The following MTA3 variants were observed in gnomAD, a reference collection of about 807,000 sequenced individuals.
MTA3 encodes the protein metastasis-associated protein MTA3.
Under a neutral mutation model 83.5 loss-of-function variants are expected in MTA3, and 34 were observed. That is an observed-to-expected ratio of 0.41 (90% CI 0.31 to 0.54). The LOEUF (loss-of-function observed/expected upper bound fraction) is 0.54, where lower values mean the gene tolerates loss of function less well. Ranked by LOEUF, MTA3 falls within the 20% of genes least tolerant of loss-of-function variation. The pLI is 0.33. For missense variants in MTA3, 761 were observed against 726.4 expected (o/e 1.05, Z -0.55); for synonymous variants, 303 against 252.7 (o/e 1.20, Z -1.89).
intron 16 of MTA3, among the ~76,000 whole-genome samples, chr2:42,723,580 C>G (rs923190669): frequency 1.3e-5 from 2 of 152,220 alleles, no homozygotes; most frequent in Admixed American, 1.3e-4. Context: ...AATATCACCT[C>G]TTATCCAAAG....
intron 2 of MTA3, among the ~76,000 whole-genome samples, chr2:42,515,028 G>GTTTAT (rs1277578639): frequency 1.6e-3 from 237 of 151,594 alleles, no homozygotes; most frequent in African/African-American, 4.8e-3. Context: ...GTATGCCTGT[G>GTTTAT]TTTATTTTAT....
intron 4 of MTA3, among the ~76,000 whole-genome samples, chr2:42,632,146 G>C (rs1423478842): frequency 7.2e-6 from 1 of 139,600 alleles, no homozygotes; most frequent in Non-Finnish European, 1.5e-5. Context: ...CTGGAGTGCA[G>C]TGGTATAGTC....
intron 16 of MTA3, among the ~76,000 whole-genome samples, chr2:42,739,838 T>G (rs975549945): frequency 6.6e-6 from 1 of 152,242 alleles, no homozygotes; most frequent in African/African-American, 2.4e-5. Flanking sequence ...GAAACAACTT[T>G]CATTGTTCAT....
intron 2 of MTA3, among the ~76,000 whole-genome samples, chr2:42,539,904 T>C (rs17029781): frequency 0.052 from 7,870 of 152,208 alleles, 527 homozygotes; most frequent in Admixed American, 0.21. Flanking sequence ...AGCTACACTC[T>C]AAATTCCTTA....
At chr2:42,495,841 C>G (rs1422711655) in intron 2 of MTA3, among the ~76,000 whole-genome samples, 1 of 152,118 alleles carries the variant, frequency 6.6e-6, no homozygotes, top group Admixed American at 6.6e-5. Flanking sequence ...ATCCCCAACC[C>G]CGTGTCTGTG....
At chr2:42,614,925 C>T (rs13020724) in intron 4 of MTA3, among the ~76,000 whole-genome samples, 1 of 149,998 alleles carries the variant, frequency 6.7e-6, no homozygotes, top group Admixed American at 6.7e-5. Context: ...TATAGTGAGC[C>T]ATGATTGTGA....
chr2:42,602,225 CCTCGGCCTCCTGA>C (rs1682667801), intron 3 of MTA3, among the ~76,000 whole-genome samples: 1 of 152,144 alleles, frequency 6.6e-6, no homozygotes, highest in Admixed American at 6.6e-5. Flanking sequence ...TGTCCACCTG[CCTCGGCCTCCTGA>C]AGTGCTGGGA....
chr2:42,748,241 GTT>G (rs34577558), intron 16 of MTA3, among the ~76,000 whole-genome samples: 131 of 149,644 alleles, frequency 8.8e-4, no homozygotes, highest in Middle Eastern at 3.4e-3. Flanking sequence ...GTGTGTGTGT[GTT>G]TTAGTAGAGA....
At chr2:42,562,589 C>G (rs1677717363) in intron 2 of MTA3, among the ~76,000 whole-genome samples, 1 of 152,188 alleles carries the variant, frequency 6.6e-6, no homozygotes, top group Non-Finnish European at 1.5e-5. Context: ...TTATGTGGCT[C>G]TGCCCACACT....
intron 2 of MTA3, among the ~76,000 whole-genome samples, chr2:42,497,784 A>G (rs1005271094): frequency 3.9e-5 from 6 of 152,178 alleles, no homozygotes; most frequent in Non-Finnish European, 7.3e-5. Context: ...TGAAGGTGGT[A>G]TATAGCTCAG....
At chr2:42,598,222 C>T (rs766313504) in intron 3 of MTA3, among the ~76,000 whole-genome samples, 13 of 152,012 alleles carry the variant, frequency 8.6e-5, no homozygotes, top group Non-Finnish European at 1.3e-4. Context: ...ATTGCCACCA[C>T]ACCCAGCTAA....
rs564637775 is a variant in MTA3 at position 42,558,937 on chromosome 2, G to T, written c.-140-11500G>T. 3.9e-5 allele frequency among the ~76,000 whole-genome samples: 6 copies of T among 151,980 alleles called. No individual in the cohort carries two copies. The East Asian group carries it at 1.2e-3, about 29-fold the overall frequency. On this transcript the variant is annotated intron_variant, in intron 2 of 17. Transcript: ENST00000405592. ...TGGGGTGGAGCTCAGCCTTGTCTCA[G>T]TAGTTCCCCTGGAGCAGCTAGAGTA...
intron 12 of MTA3, 38 bp from the exon 13 acceptor site, chr2:42,707,865 A>G (rs1282241421): frequency 6.8e-7 from 1 of 1,481,474 alleles, no homozygotes; most frequent in East Asian, 2.4e-5. Context: ...CAAATTAAAT[A>G]GCATTTTTCG....
chr2:42,593,866 A>T (rs776463121), intron 3 of MTA3, among the ~76,000 whole-genome samples: 3 of 152,088 alleles, frequency 2.0e-5, no homozygotes, highest in East Asian at 1.9e-4. Flanking sequence ...TTACCAAATT[A>T]ATTGCTTCAG....
intron 16 of MTA3, among the ~76,000 whole-genome samples, chr2:42,736,680 T>G (rs1342805022): frequency 2.0e-5 from 3 of 152,070 alleles, no homozygotes; most frequent in Non-Finnish European, 2.9e-5. Context: ...TCTCCTTTCC[T>G]CAAGCAGAAA....
intron 14 of MTA3, among the ~76,000 whole-genome samples, chr2:42,713,287 A>G (rs189671025): frequency 6.6e-6 from 1 of 152,342 alleles, no homozygotes; most frequent in East Asian, 1.9e-4. Context: ...CTTTGGAAGT[A>G]TCTCAAGACC....
intron 2 of MTA3, among the ~76,000 whole-genome samples, chr2:42,577,693 C>G (rs1001210043): frequency 8.5e-5 from 13 of 152,076 alleles, no homozygotes; most frequent in African/African-American, 2.9e-4. Context: ...GTTGGCCAGG[C>G]TGGTCTAGAA....
At chr2:42,612,346 C>G (rs1478887241) in intron 4 of MTA3, among the ~76,000 whole-genome samples, 1 of 152,062 alleles carries the variant, frequency 6.6e-6, no homozygotes, top group Non-Finnish European at 1.5e-5. Flanking sequence ...TCCCGAGTAG[C>G]TGGGACTACA....
rs1365567619 is a variant in MTA3, at chr2:42,682,590, G to A, written c.891+1G>A. 1 of 1,606,222 alleles carries A rather than the reference G, an allele frequency of 6.2e-7. No homozygotes were observed. On this transcript the variant is annotated splice_donor_variant, in intron 9 of 16. Coordinates refer to ENST00000405094, the MANE Select transcript of MTA3 (RefSeq NM_001330442.2). LOFTEE classifies it high-confidence loss of function. ...CTTCAATGACATACGGCAAGATTTT[G>A]TAAGTAGAAAATTATGAGTAAAATA...
Sources: gnomAD v4.1 joint callset for allele counts (sites outside exome capture counted in the v4.1 genomes callset) on GRCh38, gnomAD v4.1.1 for gene constraint, MANE v1.5 for transcripts, NCBI Gene and HGNC (gene_info 2026-07-23, HGNC 2026-07-21) for gene names.